Variants in CX3CR1 observed in about 807,000 individuals in gnomAD.
CX3CR1 encodes the protein C-X3-C motif chemokine receptor 1, also known as CX3C chemokine receptor 1.
For missense variants in CX3CR1, 363 were observed against 432.4 expected (o/e 0.84, Z 1.42); for synonymous variants, 168 against 178.5 (o/e 0.94, Z 0.47).
chr3:39,264,659 GC>G lies in CX3CR1; in HGVS notation c.*782del, dbSNP rs1250301912. On this transcript the variant is annotated 3_prime_UTR_variant, in exon 2 of 2. Transcript: ENST00000399220. ...GACTCGATGCAGTAGGCAGTGGGGA[GC>G]CCTTGCAGGTTTGGGGACATGATGG... The G allele has an allele frequency of 1.3e-5, 2 of 152,412 alleles. No individual in the cohort carries two copies. Among genetic ancestry groups the G allele is most frequent in the East Asian group, 1.9e-4 (1 of 5,196 alleles). The allele number at this position is 152,412 out of a possible 1,614,324, so 9.4% of individuals were successfully genotyped here. A position where few individuals can be genotyped will look rare whatever the true frequency, so the allele number is the denominator to read the frequency against.
upstream of CX3CR1, among the ~76,000 whole-genome samples, chr3:39,283,742 T>C (rs1483929337): frequency 1.5e-5 from 2 of 134,480 alleles, no homozygotes; most frequent in African/African-American, 5.6e-5. Flanking sequence ...ATAGCGCCAC[T>C]GCACTCCAGC....
intron 1 of CX3CR1, among the ~76,000 whole-genome samples, chr3:39,268,264 C>A (rs533713562): frequency 6.6e-6 from 1 of 152,318 alleles, no homozygotes. Flanking sequence ...CCCCAGGGAA[C>A]GTGTATGCTT....
rs2040688170 is a variant in CX3CR1, at chr3:39,265,836, T to C, written c.674A>G (p.Lys225Arg). 6.2e-7 allele frequency: 1 copy of C among 1,614,100 alleles called. No individual in the cohort carries two copies. The highest frequency in any genetic ancestry group is 1.1e-5 in the South Asian group (1 of 91,094). Residue 225 changes from lysine (K) to arginine (R), a missense_variant, in exon 2 of 2, where the codon AAG becomes AGG. Transcript: ENST00000399220. ...IQTLFSCKNH[K>R]KAKAIKLILL... is the part of the protein sequence containing the mutation. ...GATCAGTTTAATGGCTTTGGCTTTC[T>C]TGTGGTTCTTGCAGGAAAACAGCGT...
chr3:39,273,367 T>C (rs1197855727), intron 1 of CX3CR1, among the ~76,000 whole-genome samples: 3 of 152,206 alleles, frequency 2.0e-5, no homozygotes, highest in Non-Finnish European at 1.5e-5. Context: ...GCAACCATAG[T>C]GAGGAAACTG....
the CX3CR1 span, among the ~76,000 whole-genome samples, chr3:39,292,267 T>C: frequency 6.6e-6 from 1 of 152,116 alleles, no homozygotes; most frequent in Non-Finnish European, 1.5e-5. Flanking sequence ...AGTTTACCCA[T>C]GAGAAGAGTG....
upstream of CX3CR1, among the ~76,000 whole-genome samples, chr3:39,283,913 A>G (rs1308156952): frequency 1.4e-5 from 2 of 147,402 alleles, no homozygotes; most frequent in Non-Finnish European, 3.0e-5. Context: ...CAGGGGCACT[A>G]TAGTAAAAAA....
upstream of CX3CR1, chr3:39,280,306 G>T: frequency 1.0e-6 from 1 of 985,554 alleles, no homozygotes; most frequent in African/African-American, 1.7e-5. Context: ...GCACAGCACA[G>T]TCAGCTCTCA....
At chr3:39,292,730 C>A in the CX3CR1 span, among the ~76,000 whole-genome samples, 4 of 152,294 alleles carry the variant, frequency 2.6e-5, no homozygotes, top group Admixed American at 6.5e-5. Context: ...GTGTCTCTCC[C>A]AAATTACACA....
chr3:39,276,606 C>G (rs1336592898), intron 1 of CX3CR1, among the ~76,000 whole-genome samples: 1 of 152,182 alleles, frequency 6.6e-6, no homozygotes, highest in Non-Finnish European at 1.5e-5. Flanking sequence ...CACTGTGTGA[C>G]TAGTCCATGA....
At chr3:39,276,298 A>G (rs1452324518) in intron 1 of CX3CR1, among the ~76,000 whole-genome samples, 1 of 152,234 alleles carries the variant, frequency 6.6e-6, no homozygotes, top group Non-Finnish European at 1.5e-5. Flanking sequence ...AGACTTTGAA[A>G]TAGACACACA....
chr3:39,271,942 C>T (rs914775878), intron 1 of CX3CR1, among the ~76,000 whole-genome samples: 7 of 152,190 alleles, frequency 4.6e-5, no homozygotes, highest in African/African-American at 1.4e-4. Flanking sequence ...GCGAGTGTGG[C>T]CGTGCCTTGG....
chr3:39,284,472 T>C (rs1017994035), upstream of CX3CR1, among the ~76,000 whole-genome samples: 9 of 152,150 alleles, frequency 5.9e-5, no homozygotes, highest in Non-Finnish European at 1.3e-4. Context: ...AAGAAACCCT[T>C]GTCTAAGGTC....
Position 39,266,632 on chromosome 3 carries a change from C to T in CX3CR1, c.-9-114G>A, listed in dbSNP as rs1220059333. 4 of 1,017,406 alleles carry T rather than the reference C, an allele frequency of 3.9e-6. No individual in the cohort carries two copies. In the East Asian group the frequency reaches 9.5e-5, roughly 24 times the overall value. The allele number at this position is 1,017,406 out of a possible 1,614,324, so 63.0% of individuals were successfully genotyped here. A position where few individuals can be genotyped will look rare whatever the true frequency, so the allele number is the denominator to read the frequency against. The stretch of plus-strand genomic sequence containing the variant: ...AAGAAACAAATATTGGTTGGGTGCA[C>T]ACTACATTTCCCAACTTCCCACTTG... On this transcript the variant is annotated intron_variant, in intron 1 of 1. Coordinates refer to ENST00000399220, the MANE Select transcript of CX3CR1 (RefSeq NM_001337.4).
intron 1 of CX3CR1, 159 bp from the exon 2 acceptor site, chr3:39,266,677 C>A: frequency 1.3e-6 from 1 of 798,726 alleles, no homozygotes; most frequent in Non-Finnish European, 2.2e-6. Context: ...TTAATCCCCA[C>A]AACAGTCTTG....
At chr3:39,283,754 T>A (rs2040923884), upstream of CX3CR1, among the ~76,000 whole-genome samples, 1 of 130,254 alleles carries the variant, frequency 7.7e-6, no homozygotes, top group Admixed American at 8.7e-5. Flanking sequence ...CACTCCAGCC[T>A]GGGCGAAAGA....
chr3:39,265,369 A>G lies in CX3CR1; in HGVS notation c.*73T>C, dbSNP rs1444578124. 6.8e-7 allele frequency: 1 copy of G among 1,466,466 alleles called. No homozygotes were observed. The highest frequency in any genetic ancestry group is 9.2e-7 in the Non-Finnish European group (1 of 1,090,320). 90.8% of individuals were successfully genotyped at this position (1,466,466 alleles called of 1,614,324 possible). On this transcript the variant is annotated 3_prime_UTR_variant, in exon 2 of 2. Transcript: ENST00000399220. ...GTGCCTGTAAGAAATAACAACAAAA[A>G]TCTTTCCTCACTAGTCAGCATCAGG...
intron 1 of CX3CR1, among the ~76,000 whole-genome samples, chr3:39,270,628 C>A (rs539848854): frequency 6.6e-6 from 1 of 152,080 alleles, no homozygotes; most frequent in African/African-American, 2.4e-5. Flanking sequence ...ATGATGTGTG[C>A]GTATTTTGTA....
chr3:39,265,599 A>G lies in CX3CR1; in HGVS notation c.911T>C (p.Leu304Pro). The G allele has an allele frequency of 6.2e-7, 1 of 1,614,226 alleles. No individual in the cohort carries two copies. The highest frequency in any genetic ancestry group is 8.5e-7 in the Non-Finnish European group (1 of 1,180,044). Residue 304 changes from leucine to proline, a missense_variant, in exon 2 of 2, where the codon CTT (leucine) becomes CCT (proline). Coordinates refer to ENST00000399220, the MANE Select transcript of CX3CR1 (RefSeq NM_001337.4). ...AFAGEKFRRY[L>P]YHLYGKCLAV... ...CAGGCATTTCCCATACAGGTGGTAA[A>G]GGTATCTTCTGAACTTCTCCCCAGC...
upstream of CX3CR1, among the ~76,000 whole-genome samples, chr3:39,283,806 T>A (rs1385648547): frequency 6.1e-5 from 3 of 49,250 alleles, no homozygotes; most frequent in Non-Finnish European, 1.2e-4. Flanking sequence ...TATATATATA[T>A]ATATATATAT....
Sources: gnomAD v4.1 joint callset for allele counts (sites outside exome capture counted in the v4.1 genomes callset) on GRCh38, gnomAD v4.1.1 for gene constraint, MANE v1.5 for transcripts, NCBI Gene and HGNC (gene_info 2026-07-23, HGNC 2026-07-21) for gene names.